PDE9A: variants seen among roughly 807,000 people sequenced by gnomAD.
PDE9A encodes high affinity cGMP-specific 3',5'-cyclic phosphodiesterase 9A.
A neutral mutation model predicts 87.4 loss-of-function variants in PDE9A; 60 were observed. That is an observed-to-expected ratio of 0.69 (90% CI 0.56 to 0.85). The LOEUF (loss-of-function observed/expected upper bound fraction) is 0.85. Ranked by LOEUF, PDE9A falls within the 40% of genes least tolerant of loss-of-function variation. The pLI is 0.00. For synonymous variants in PDE9A, 272 were observed against 279.4 expected (o/e 0.97, Z 0.27); for missense variants, 665 against 779.0 (o/e 0.85, Z 1.74).
intron 1 of PDE9A, among the ~76,000 whole-genome samples, chr21:42,655,593 C>T (rs1368587679): frequency 6.6e-6 from 1 of 152,164 alleles, no homozygotes; most frequent in African/African-American, 2.4e-5. Flanking sequence ...CTACCACTTC[C>T]TGTACCACGA....
chr21:42,713,687 T>A (rs926135588), intron 4 of PDE9A, among the ~76,000 whole-genome samples: 1 of 152,228 alleles, frequency 6.6e-6, no homozygotes, highest in Non-Finnish European at 1.5e-5. Context: ...GTTTTTTGTG[T>A]GTGTCTTTTT....
At chr21:42,710,891 G>GTT (rs2049270546) in intron 4 of PDE9A, among the ~76,000 whole-genome samples, 2 of 152,188 alleles carry the variant, frequency 1.3e-5, no homozygotes, top group Admixed American at 6.5e-5. Flanking sequence ...GAGAGGCTGA[G>GTT]GCAGGAGAAT....
chr21:42,716,170 T>C (rs1389358446), intron 4 of PDE9A, among the ~76,000 whole-genome samples: 1 of 152,040 alleles, frequency 6.6e-6, no homozygotes, highest in East Asian at 1.9e-4. Flanking sequence ...GTTTGGGCAG[T>C]TATGAATAAA....
At chr21:42,677,015 G>A (rs2058879240) in intron 1 of PDE9A, among the ~76,000 whole-genome samples, 1 of 152,164 alleles carries the variant, frequency 6.6e-6, no homozygotes. Flanking sequence ...GCTGCCCTTG[G>A]GGAGGAGCAG....
At chr21:42,751,698 G>T (rs1038781745) in intron 9 of PDE9A, among the ~76,000 whole-genome samples, 1 of 150,500 alleles carries the variant, frequency 6.6e-6, no homozygotes, top group African/African-American at 2.4e-5. Context: ...CCGGTCACCC[G>T]CTCAACGCCT....
At chr21:42,748,481 T>C (rs1399792965) in intron 8 of PDE9A, among the ~76,000 whole-genome samples, 1 of 152,230 alleles carries the variant, frequency 6.6e-6, no homozygotes, top group East Asian at 1.9e-4. Flanking sequence ...GACGGCAGCA[T>C]GCCGAGAAAA....
chr21:42,744,975 T>G (rs2053688038), intron 8 of PDE9A, among the ~76,000 whole-genome samples: 1 of 152,186 alleles, frequency 6.6e-6, no homozygotes, highest in African/African-American at 2.4e-5. Context: ...ATGTGGCTCA[T>G]GGTTCCCCAG....
intron 3 of PDE9A, among the ~76,000 whole-genome samples, chr21:42,691,187 T>C (rs543802958): frequency 6.4e-5 from 9 of 140,970 alleles, no homozygotes; most frequent in African/African-American, 2.4e-4. Context: ...ACCAGCCCCT[T>C]TACCATCACC....
intron 3 of PDE9A, among the ~76,000 whole-genome samples, chr21:42,691,910 A>C (rs553479379): frequency 6.6e-6 from 1 of 150,918 alleles, no homozygotes; most frequent in Non-Finnish European, 1.5e-5. Flanking sequence ...TCACTATCCA[A>C]AGTCACCCAG....
At chr21:42,668,695 T>C (rs978835859) in intron 1 of PDE9A, among the ~76,000 whole-genome samples, 1 of 152,150 alleles carries the variant, frequency 6.6e-6, no homozygotes. Flanking sequence ...ACAGCAGTCA[T>C]GACAAATGAG....
rs1194681038 is a variant in PDE9A at position 42,762,072 on chromosome 21, T to G, written c.1086-11T>G. ...GCCTGAGTCTCCCCTCACTCTCTCC[T>G]TGCCTCCCAGGTACCAGATCAATGC... On this transcript the variant is annotated splice_polypyrimidine_tract_variant and intron_variant, in intron 13 of 19. Coordinates refer to ENST00000291539, the MANE Select transcript of PDE9A (RefSeq NM_002606.3). 3.1e-6 allele frequency: 5 copies of G among 1,612,008 alleles called. No homozygotes were observed. The South Asian group carries it at 5.5e-5, about 18-fold the overall frequency.
chr21:42,670,320 TCACA>T (rs2058402940), intron 1 of PDE9A, among the ~76,000 whole-genome samples: 1 of 139,930 alleles, frequency 7.1e-6, no homozygotes, highest in Non-Finnish European at 1.5e-5. Context: ...GACACCACAC[TCACA>T]TTCACACACA....
intron 1 of PDE9A, among the ~76,000 whole-genome samples, chr21:42,685,652 G>C (rs2059421675): frequency 6.6e-6 from 1 of 151,578 alleles, no homozygotes; most frequent in South Asian, 2.1e-4. Context: ...ATTTTTAGTA[G>C]AGACGGGGTT....
chr21:42,738,544 T>C (rs1423385814), intron 7 of PDE9A, among the ~76,000 whole-genome samples: 2 of 151,936 alleles, frequency 1.3e-5, no homozygotes, highest in Non-Finnish European at 2.9e-5. Flanking sequence ...CTCGGCTCTC[T>C]CTGACCCCCA....
At position 42,760,835 on chromosome 21, in the gene PDE9A, C is replaced by T; in HGVS notation, c.1013C>T (p.Ser338Leu). Residue 338 changes from serine to leucine, a missense_variant, in exon 13 of 20, where the codon TCA (serine) becomes TTA (leucine). Physicochemically the swap from Ser to Leu is moderately radical, Grantham distance 145 (BLOSUM62 -2). Coordinates refer to ENST00000291539, the MANE Select transcript of PDE9A (RefSeq NM_002606.3). The surrounding 1 kb of genome is among the most constrained non-coding windows in gnomAD (Gnocchi z 5.2). ...TGTTTTCCAATCCAGGAGAAGTTCTCACAAACGGATATCCTGATCCTAATG... is the reference window on the plus strand; with the variant it reads ...TGTTTTCCAATCCAGGAGAAGTTCTTACAAACGGATATCCTGATCCTAATG... The part of the protein sequence containing the change: ...VWLCSLQEKF[S>L]QTDILILMTA... 6.2e-7 allele frequency: 1 copy of T among 1,608,266 alleles called. No homozygotes were observed. The highest frequency in any genetic ancestry group is 8.5e-7 in the Non-Finnish European group (1 of 1,174,782).
At position 42,732,092 on chromosome 21, in the gene PDE9A, C is replaced by G. The variant is rs759909712; in HGVS notation, c.465C>G (p.Ser155Arg). The G allele has an allele frequency of 6.2e-7, 1 of 1,614,036 alleles. No homozygotes were observed. The highest frequency in any genetic ancestry group is 8.5e-7 in the Non-Finnish European group (1 of 1,179,956). The stretch of plus-strand genomic sequence containing the variant: ...TAGAGAGAGAAGAATTAATCCAGAG[C>G]GTGCTGGCGCAGGTTGCAGAGCAGT... ...IPPEREELIQ[S>R]VLAQVAEQFS... is the part of the protein sequence containing the mutation. The change falls in exon 6 of 20, where the codon AGC becomes AGG. Residue 155 changes from serine to arginine, a missense_variant. Transcript: ENST00000291539.
intron 7 of PDE9A, chr21:42,733,733 T>C: frequency 2.6e-6 from 1 of 381,624 alleles, no homozygotes; most frequent in South Asian, 4.1e-5. Flanking sequence ...GAGTGTCTTG[T>C]CTGTGTCTTT....
intron 1 of PDE9A, among the ~76,000 whole-genome samples, chr21:42,681,785 G>A (rs528663733): frequency 3.3e-5 from 5 of 152,276 alleles, no homozygotes; most frequent in Middle Eastern, 3.4e-3. Flanking sequence ...TAAAACTTTC[G>A]TTTTTCCCTT....
rs150849491 is a variant in PDE9A at position 42,737,991 on chromosome 21, C to A, written c.568+4565C>A. Among the ~76,000 whole-genome samples, 731 of 152,344 alleles carry A rather than the reference C, an allele frequency of 4.8e-3. 5 individuals are homozygous for A. Among genetic ancestry groups the A allele is most frequent in the South Asian group, 0.021 (103 of 4,828 alleles). On this transcript the variant is annotated intron_variant, in intron 7 of 19. Transcript: ENST00000291539. The stretch of plus-strand genomic sequence containing the variant: ...TTCGAGAGATCTGGGATTTCCCTTA[C>A]GTTACGGATTATTTTGTAAACAGAA...
Sources: gnomAD v4.1 joint callset for allele counts (sites outside exome capture counted in the v4.1 genomes callset) on GRCh38, gnomAD v4.1.1 for gene constraint, Gnocchi (gnomAD v3.1) non-coding constraint, MANE v1.5 for transcripts, NCBI Gene and HGNC (gene_info 2026-07-23, HGNC 2026-07-21) for gene names.